The following EYS variants were observed in gnomAD, a reference collection of about 807,000 sequenced individuals.
EYS encodes the protein protein eyes shut homolog.
In EYS, 250 loss-of-function variants were observed where a neutral mutation model predicts 282.1. That is an observed-to-expected ratio of 0.89 (90% confidence interval 0.80 to 0.98). The LOEUF is 0.98. EYS is among the 50% of genes least tolerant of loss of function. The pLI is 0.00. For missense variants in EYS, 4,016 were observed against 3,709.0 expected (o/e 1.08, Z -2.15); for synonymous variants, 1,355 against 1,282.9 (o/e 1.06, Z -1.20).
chr6:64,983,283 T>C (rs1017043333), intron 14 of EYS, among the ~76,000 whole-genome samples: 1 of 151,178 alleles, frequency 6.6e-6, no homozygotes, highest in Admixed American at 6.6e-5. Flanking sequence ...TAACTGAAAC[T>C]GTCTCAGTAG....
intron 12 of EYS, among the ~76,000 whole-genome samples, chr6:65,107,051 T>G (rs1775060389): frequency 6.6e-6 from 1 of 151,962 alleles, no homozygotes; most frequent in Non-Finnish European, 1.5e-5. Flanking sequence ...GAGAGTCACA[T>G]GTAGAAATAT....
At chr6:65,618,635 A>G (rs1766323710) in intron 2 of EYS, among the ~76,000 whole-genome samples, 1 of 152,176 alleles carries the variant, frequency 6.6e-6, no homozygotes, top group Non-Finnish European at 1.5e-5. Flanking sequence ...GCCCATGCCT[A>G]TGTCCTGAAT....
intron 14 of EYS, among the ~76,000 whole-genome samples, chr6:64,984,203 A>G (rs1368608252): frequency 1.3e-5 from 2 of 151,392 alleles, no homozygotes; most frequent in Non-Finnish European, 3.0e-5. Flanking sequence ...TGGGCCCTCC[A>G]GATAAACTAC....
intron 22 of EYS, among the ~76,000 whole-genome samples, chr6:64,708,728 C>T (rs1490812977): frequency 1.3e-5 from 2 of 152,152 alleles, no homozygotes; most frequent in African/African-American, 2.4e-5. Context: ...GTGATGCAAA[C>T]TCACTACATG....
intron 1 of EYS, among the ~76,000 whole-genome samples, chr6:65,646,515 G>C (rs937466207): frequency 6.6e-6 from 1 of 151,996 alleles, no homozygotes; most frequent in African/African-American, 2.4e-5. Flanking sequence ...GAATAGAAGG[G>C]ACATACCTTA....
intron 31 of EYS, among the ~76,000 whole-genome samples, chr6:64,125,175 T>TCTCTCTCTCTCGCGCGCGCGCGCG (rs1562213596): frequency 1.3e-5 from 2 of 150,304 alleles, no homozygotes; most frequent in African/African-American, 5.0e-5. Context: ...TCTCTCTCTC[T>TCTCTCTCTCTCGCGCGCGCGCGCG]CGCTCTCTCT....
intron 24 of EYS, among the ~76,000 whole-genome samples, chr6:64,615,879 T>C (rs1398206244): frequency 2.0e-5 from 3 of 152,060 alleles, no homozygotes; most frequent in Non-Finnish European, 4.4e-5. Context: ...TTTTCTTCTA[T>C]TTAGTAGACA....
chr6:64,576,223 G>T (rs1403854910), intron 26 of EYS, among the ~76,000 whole-genome samples: 1 of 152,072 alleles, frequency 6.6e-6, no homozygotes, highest in African/African-American at 2.4e-5. Context: ...AGAACAGTGA[G>T]AGTTCGCCAA....
At chr6:65,663,744 C>A (rs747771703) in intron 1 of EYS, among the ~76,000 whole-genome samples, 1 of 152,112 alleles carries the variant, frequency 6.6e-6, no homozygotes, top group South Asian at 2.1e-4. Context: ...TGCAGTGGCA[C>A]GATCTCAGCT....
chr6:64,729,450 G>C (rs74779666), intron 22 of EYS, among the ~76,000 whole-genome samples: 2,907 of 152,272 alleles, frequency 0.019, 75 homozygotes, highest in African/African-American at 0.063. Context: ...TGTGTGATTT[G>C]ACTTGGTCTC....
intron 31 of EYS, among the ~76,000 whole-genome samples, chr6:64,122,684 T>G (rs914098979): frequency 6.6e-6 from 1 of 152,140 alleles, no homozygotes; most frequent in East Asian, 1.9e-4. Flanking sequence ...AAATAATATT[T>G]TAAAGAATTT....
chr6:64,419,946 G>A (rs1591803), intron 28 of EYS, among the ~76,000 whole-genome samples: 42,184 of 152,108 alleles, frequency 0.28, 5,989 homozygotes, highest in East Asian at 0.46. Flanking sequence ...GATTCTGTGC[G>A]GGGTCTTTGA....
chr6:64,512,044 A>C (rs1354219963), intron 26 of EYS, among the ~76,000 whole-genome samples: 1 of 151,988 alleles, frequency 6.6e-6, no homozygotes, highest in Non-Finnish European at 1.5e-5. Flanking sequence ...TTTTTCCCTC[A>C]ATATCCTTCT....
chr6:65,026,697 C>T (rs527601688), intron 13 of EYS, among the ~76,000 whole-genome samples: 72 of 152,196 alleles, frequency 4.7e-4, no homozygotes, highest in Admixed American at 1.4e-3. Flanking sequence ...ACAGGCAGAT[C>T]ACAAGGTCAG....
chr6:63,787,583 A>G (rs752411489), intron 39 of EYS, among the ~76,000 whole-genome samples: 6 of 152,350 alleles, frequency 3.9e-5, no homozygotes, highest in Non-Finnish European at 7.3e-5. Context: ...CCAACTAGTT[A>G]TAAGTGCAGA....
chr6:65,354,587 G>A (rs1210395005), intron 8 of EYS, among the ~76,000 whole-genome samples: 3 of 152,040 alleles, frequency 2.0e-5, no homozygotes, highest in East Asian at 1.9e-4. Flanking sequence ...ATGCCAAGGC[G>A]GGCGGATTAC....
At chr6:65,686,418 C>T (rs954033008) in intron 1 of EYS, among the ~76,000 whole-genome samples, 3 of 152,034 alleles carry the variant, frequency 2.0e-5, no homozygotes, top group African/African-American at 7.2e-5. Flanking sequence ...CTTTCTGGTG[C>T]TCCAATGGCT....
intron 30 of EYS, among the ~76,000 whole-genome samples, chr6:64,258,822 T>C (rs971351715): frequency 7.2e-5 from 11 of 152,056 alleles, no homozygotes; most frequent in Middle Eastern, 6.8e-3. Context: ...TATACCCCCA[T>C]AGACACCTAA....
intron 1 of EYS, among the ~76,000 whole-genome samples, chr6:65,703,240 T>C (rs189781138): frequency 6.6e-6 from 1 of 152,312 alleles, no homozygotes; most frequent in Admixed American, 6.5e-5. Context: ...TCTATATATA[T>C]GTATTGTTAC....
Sources: gnomAD v4.1 joint callset for allele counts (sites outside exome capture counted in the v4.1 genomes callset) on GRCh38, gnomAD v4.1.1 for gene constraint, MANE v1.5 for transcripts, NCBI Gene and HGNC (gene_info 2026-07-23, HGNC 2026-07-21) for gene names.